The following DCAF1 variants were observed in gnomAD, a reference collection of about 807,000 sequenced individuals.
DCAF1 encodes the protein DDB1- and CUL4-associated factor 1.
A neutral mutation model predicts 128.0 loss-of-function variants in DCAF1; 15 were observed. That is an observed-to-expected ratio of 0.12 (90% CI 0.08 to 0.18). DCAF1 has a LOEUF of 0.18. DCAF1 is among the 10% of genes least tolerant of loss of function. The pLI, the probability that DCAF1 is intolerant of heterozygous loss-of-function variation, is 1.00. For missense variants in DCAF1, 988 were observed against 1,649.5 expected (o/e 0.60, Z 6.95); for synonymous variants, 610 against 603.0 (o/e 1.01, Z -0.17).
intron 1 of DCAF1, among the ~76,000 whole-genome samples, chr3:51,497,505 T>G (rs1708357350): frequency 6.6e-6 from 1 of 152,030 alleles, no homozygotes; most frequent in Non-Finnish European, 1.5e-5. Context: ...GAGAATCGCT[T>G]GAACCCGGGA....
chr3:51,403,126 C>T lies in DCAF1; in HGVS notation c.4465+17G>A. The T allele has an allele frequency of 6.3e-7, 1 of 1,597,248 alleles. No homozygotes were observed. The highest frequency in any genetic ancestry group is 8.6e-7 in the Non-Finnish European group (1 of 1,169,216). ...CCTGGGTGCCAAGGCTCAGCCTGAA[C>T]TCTGCCCTATACTTACTGTCCCCCA... is the stretch of plus-strand genomic sequence containing the variant. On this transcript the variant is annotated intron_variant, in intron 24 of 24. Transcript: ENST00000684031.
At chr3:51,447,896 G>A (rs1489234616) in intron 6 of DCAF1, among the ~76,000 whole-genome samples, 2 of 151,772 alleles carry the variant, frequency 1.3e-5, no homozygotes, top group African/African-American at 2.4e-5. Flanking sequence ...GCAGTGAACC[G>A]ACATCATACC....
intron 23 of DCAF1, among the ~76,000 whole-genome samples, chr3:51,407,153 C>A (rs1400124240): frequency 8.8e-6 from 1 of 113,284 alleles, no homozygotes; most frequent in Non-Finnish European, 1.7e-5. Context: ...AGTGAGACTC[C>A]ATCTCAAAAA....
At chr3:51,439,924 G>A (rs144417680) in intron 9 of DCAF1, among the ~76,000 whole-genome samples, 57 of 152,106 alleles carry the variant, frequency 3.7e-4, no homozygotes, top group Non-Finnish European at 6.9e-4. Flanking sequence ...CCCAGGAAGC[G>A]GAGGTTCCAG....
At chr3:51,418,563 C>G in intron 16 of DCAF1, 115 bp downstream of exon 16, 1 of 1,471,788 alleles carries the variant, frequency 6.8e-7, no homozygotes, top group African/African-American at 1.4e-5. Flanking sequence ...ACTAGACTTT[C>G]CAGTTGAGGA....
intron 3 of DCAF1, among the ~76,000 whole-genome samples, chr3:51,476,729 T>G (rs1553650665): frequency 6.6e-6 from 1 of 151,002 alleles, no homozygotes; most frequent in African/African-American, 2.4e-5. Flanking sequence ...TACAAAAAAA[T>G]TAGCCAGGTG....
chr3:51,406,193 A>C (rs1425499527), intron 23 of DCAF1, among the ~76,000 whole-genome samples: 1 of 147,662 alleles, frequency 6.8e-6, no homozygotes, highest in Non-Finnish European at 1.5e-5. Flanking sequence ...AATACAAAAA[A>C]TTTGCTGGGT....
At chr3:51,416,898 A>G (rs1553630601) in intron 17 of DCAF1, 27 bp from the exon 18 acceptor site, 1 of 1,589,524 alleles carries the variant, frequency 6.3e-7, no homozygotes. Context: ...GGAGCACTGA[A>G]GTGACAGATC....
In DCAF1 at chr3:51,470,967, C is replaced by T. The variant is rs1164729422; in HGVS notation, c.149G>A (p.Arg50His). 18 of 1,606,936 alleles carry T rather than the reference C, an allele frequency of 1.1e-5. No individual in the cohort carries two copies. The highest frequency in any genetic ancestry group is 2.2e-5 in the East Asian group (1 of 44,796). ...QLIEKETEEY[R>H]KGDPDPFDDR... ...ATCAAATGGGTCTGGATCCCCTTTA[C>T]GATACTCTTCAGTTTCTTTTTCAAT... The change falls in exon 4 of 25, where the codon CGT (arginine) becomes CAT (histidine). Residue 50 changes from arginine (R) to histidine (H), a missense_variant. Arg to His is a conservative substitution (Grantham distance 29, BLOSUM62 0). Transcript: ENST00000684031.
Position 51,420,830 on chromosome 3 carries a change from T to G in DCAF1, c.2140A>C (p.Asn714His). 1 of 1,614,040 alleles carries G rather than the reference T, an allele frequency of 6.2e-7. No homozygotes were observed. The change falls in exon 15 of 25, where the codon AAC becomes CAC. Residue 714 changes from asparagine to histidine, a missense_variant. By Grantham distance (68) the Asn-to-His change is moderately conservative. Around this residue, in one of 11 missense-constraint regions of DCAF1, gnomAD observed 185 missense variants for 248.1 expected, o/e 0.75. Transcript: ENST00000684031. This position sits in a 1 kb window ranked among gnomAD's most constrained non-coding sequence, Gnocchi z 6.5. ...AGGGTGTGCTCACTGCTTTTAGGGT[T>G]CTGAGGCAGCTTTCTCCGAGGAGTA... ...SGTPRRKLPQ[N>H]PKSSEHTLAK...
intron 13 of DCAF1, among the ~76,000 whole-genome samples, chr3:51,423,818 T>G (rs1311599547): frequency 4.8e-5 from 6 of 124,212 alleles, no homozygotes; most frequent in Non-Finnish European, 8.1e-5. Context: ...AGACTCCGTT[T>G]CAAAAAAAAA....
At chr3:51,480,139 T>C (rs1553652270) in intron 3 of DCAF1, among the ~76,000 whole-genome samples, 1 of 149,908 alleles carries the variant, frequency 6.7e-6, no homozygotes, top group African/African-American at 2.5e-5. Flanking sequence ...TTTTTAATGA[T>C]GGGGAGCCCA....
chr3:51,407,843 C>T (rs1266119119), intron 23 of DCAF1, among the ~76,000 whole-genome samples: 2 of 151,864 alleles, frequency 1.3e-5, no homozygotes, highest in Non-Finnish European at 2.9e-5. Context: ...CAGAATTGGC[C>T]GGTTGTGGTG....
rs539322627 is a variant in DCAF1, at chr3:51,495,073, T to C, written c.-9+1661A>G. 8.8e-5 allele frequency among the ~76,000 whole-genome samples: 13 copies of C among 147,488 alleles called. No homozygotes were observed. The South Asian group carries it at 2.6e-3, about 30-fold the overall frequency. On this transcript the variant is annotated intron_variant, in intron 2 of 24. Coordinates refer to ENST00000684031, the MANE Select transcript of DCAF1 (RefSeq NM_001387579.1). ...CGTGGTGGCTCACGCCTGTAATCCC[T>C]GCACTTTGGGAGGCCAATGCGGGTG...
chr3:51,474,760 A>G (rs1705222984), intron 3 of DCAF1, among the ~76,000 whole-genome samples: 1 of 150,120 alleles, frequency 6.7e-6, no homozygotes, highest in Non-Finnish European at 1.5e-5. Flanking sequence ...AGGTGGGACT[A>G]CAGGTGTCAA....
At chr3:51,495,308 G>C (rs1577340031) in intron 2 of DCAF1, among the ~76,000 whole-genome samples, 1 of 149,528 alleles carries the variant, frequency 6.7e-6, no homozygotes, top group Non-Finnish European at 1.5e-5. Context: ...TGGGCGACAA[G>C]AGCAAAACTC....
chr3:51,501,036 T>C (rs554620282), upstream of DCAF1, among the ~76,000 whole-genome samples: 1 of 152,246 alleles, frequency 6.6e-6, no homozygotes, highest in South Asian at 2.1e-4. Context: ...AGGTTGGTCT[T>C]GAATTTCTAG....
At chr3:51,455,793 A>G (rs1702834895) in intron 6 of DCAF1, among the ~76,000 whole-genome samples, 1 of 152,086 alleles carries the variant, frequency 6.6e-6, no homozygotes, top group Non-Finnish European at 1.5e-5. Context: ...GCTACTTGGG[A>G]GGCTGAGGCA....
chr3:51,459,131 T>C (rs1397731817), intron 6 of DCAF1, among the ~76,000 whole-genome samples: 1 of 152,092 alleles, frequency 6.6e-6, no homozygotes, highest in Non-Finnish European at 1.5e-5. Context: ...AGCTGGTTTT[T>C]TGAAAAGATC....
Sources: allele counts gnomAD v4.1 joint callset (sites outside exome capture counted in the v4.1 genomes callset), GRCh38; gene constraint gnomAD v4.1.1; regional missense constraint gnomAD v4.1.1; non-coding constraint Gnocchi (gnomAD v3.1); transcripts MANE v1.5; gene names NCBI Gene and HGNC (gene_info 2026-07-23, HGNC 2026-07-21).